The following HPS5 variants were observed in gnomAD, a reference collection of about 807,000 sequenced individuals.
HPS5 encodes the protein HPS5 biogenesis of lysosomal organelles complex 2 subunit 2.
HPS5 carries 83 observed loss-of-function variants against 128.0 expected under a neutral mutation model. The observed-to-expected ratio is 0.65, with a 90% CI of 0.54 to 0.78. The LOEUF (loss-of-function observed/expected upper bound fraction) is 0.78, where lower values mean the gene tolerates loss of function less well. Among genes scored for constraint, HPS5 ranks in the 30% least tolerant of loss-of-function variants. The probability of loss-of-function intolerance (pLI) is 0.00; values close to 1 mark genes in which losing one functional copy is unlikely to be tolerated. For missense variants in HPS5, 1,281 were observed against 1,326.2 expected (o/e 0.97, Z 0.53); for synonymous variants, 475 against 470.2 (o/e 1.01, Z -0.13).
chr11:18,302,726 A>G (rs1861840255), intron 8 of HPS5, among the ~76,000 whole-genome samples: 5 of 149,876 alleles, frequency 3.3e-5, no homozygotes, highest in Admixed American at 2.0e-4. Flanking sequence ...TCCCTACAGG[A>G]AAGTAATCTT....
chr11:18,299,742 G>C (rs1454431203), intron 9 of HPS5, among the ~76,000 whole-genome samples: 1 of 152,128 alleles, frequency 6.6e-6, no homozygotes, highest in South Asian at 2.1e-4. Flanking sequence ...CTTCTGGCAG[G>C]GATAAAGACT....
chr11:18,286,879 A>G, intron 18 of HPS5, 169 bp from the exon 19 acceptor site: 1 of 803,922 alleles, frequency 1.2e-6, no homozygotes, highest in Non-Finnish European at 2.0e-6. Flanking sequence ...AAGCTCCAAG[A>G]TAACAAAGAA....
chr11:18,318,852 A>C (rs1863952291), intron 1 of HPS5, among the ~76,000 whole-genome samples: 1 of 152,182 alleles, frequency 6.6e-6, no homozygotes, highest in Admixed American at 6.5e-5. Context: ...ACAAATTTGT[A>C]CTGAGCACCC....
chr11:18,299,608 C>T (rs1460322166), intron 9 of HPS5, among the ~76,000 whole-genome samples: 2 of 152,212 alleles, frequency 1.3e-5, no homozygotes, highest in Admixed American at 1.3e-4. Context: ...TCCCCCACTT[C>T]TGGTTTTAAC....
chr11:18,298,038 C>T (rs1195918406), intron 10 of HPS5, among the ~76,000 whole-genome samples: 3 of 151,106 alleles, frequency 2.0e-5, no homozygotes, highest in African/African-American at 7.3e-5. Context: ...TGAGATCACG[C>T]CATTGCACTC....
intron 2 of HPS5, 72 bp downstream of exon 2, chr11:18,317,679 G>C (rs1863808011): frequency 1.4e-6 from 2 of 1,423,702 alleles, no homozygotes; most frequent in Non-Finnish European, 2.0e-6. Context: ...AAACGTTAAG[G>C]AACTGGAGGG....
At chr11:18,301,349 G>A (rs929494692) in intron 8 of HPS5, among the ~76,000 whole-genome samples, 27 of 151,430 alleles carry the variant, frequency 1.8e-4, no homozygotes, top group African/African-American at 4.9e-4. Flanking sequence ...CCAGCTACTC[G>A]GGAGGCTGAG....
At chr11:18,319,540 A>T (rs754851631) in intron 1 of HPS5, among the ~76,000 whole-genome samples, 2 of 152,204 alleles carry the variant, frequency 1.3e-5, no homozygotes, top group African/African-American at 2.4e-5. Flanking sequence ...AACAGGATAC[A>T]AGCAACGGAA....
intron 3 of HPS5, 109 bp downstream of exon 3, chr11:18,311,805 C>T (rs537485793): frequency 1.1e-6 from 1 of 914,590 alleles, no homozygotes; most frequent in East Asian, 2.5e-5. Context: ...GACACCGCAC[C>T]AAGCCAAGTT....
chr11:18,299,144 T>C (rs1861420011), intron 9 of HPS5, among the ~76,000 whole-genome samples, 174 bp from the exon 10 acceptor site: 1 of 152,182 alleles, frequency 6.6e-6, no homozygotes, highest in Non-Finnish European at 1.5e-5. Flanking sequence ...TTAGAAACTA[T>C]TCTAAAAAGA....
At chr11:18,309,168 C>T in intron 5 of HPS5, 89 bp from the exon 6 acceptor site, 3 of 1,292,142 alleles carry the variant, frequency 2.3e-6, no homozygotes, top group Non-Finnish European at 2.2e-6. Context: ...ATGAAAATAA[C>T]TTGAATAGCA....
At position 18,317,624 on chromosome 11, in the gene HPS5, C is replaced by A. The variant is rs919508390; in HGVS notation, c.108+127G>T. On this transcript the variant is annotated intron_variant, in intron 2 of 22. Coordinates refer to ENST00000349215, the MANE Select transcript of HPS5 (RefSeq NM_181507.2). ...GTTTATTTTCTTCTTTTTTTTCCCC[C>A]ACAAAAGTATGACTAGGACAGGTAA... 15 of 880,018 alleles carry A rather than the reference C, an allele frequency of 1.7e-5. No homozygotes were observed. The African/African-American group carries it at 2.2e-4, about 13-fold the overall frequency. The allele number at this position is 880,018 out of a possible 1,614,324, so 54.5% of individuals were successfully genotyped here.
chr11:18,319,744 T>G (rs1864087597), intron 1 of HPS5, among the ~76,000 whole-genome samples: 1 of 152,042 alleles, frequency 6.6e-6, no homozygotes, highest in Admixed American at 6.6e-5. Flanking sequence ...AGAAAACGGG[T>G]GGGTGATATG....
In HPS5 at chr11:18,282,197, C is replaced by A; in HGVS notation, c.3082G>T (p.Glu1028Ter). 6.2e-7 allele frequency: 1 copy of A among 1,614,176 alleles called. No individual in the cohort carries two copies. Residue 1028 changes from glutamate to a stop codon, truncating the protein, a stop_gained, in exon 22 of 23, where the codon GAA (glutamate) becomes TAA (stop). Transcript: ENST00000349215. LOFTEE classifies it high-confidence loss of function. ...ATGAGATGAAGGAGAAGCTTCCATT[C>A]CTCCACGGTCTCTGGGATCCAACCT... The part of the protein sequence containing the change: ...DNGWIPETVE[E>*]WKLLLHLIQS...
At chr11:18,300,227 T>C (rs1861533058) in intron 9 of HPS5, among the ~76,000 whole-genome samples, 1 of 152,118 alleles carries the variant, frequency 6.6e-6, no homozygotes, top group Admixed American at 6.5e-5. Flanking sequence ...CGAAACATAT[T>C]ATGGGGTACA....
intron 14 of HPS5, 117 bp downstream of exon 14, chr11:18,294,903 C>A: frequency 8.8e-6 from 9 of 1,027,168 alleles, no homozygotes; most frequent in Non-Finnish European, 1.3e-5. Flanking sequence ...CGTTCAAAGC[C>A]GTCCTGGAAC....
chr11:18,299,199 A>G (rs1017065310), intron 9 of HPS5, among the ~76,000 whole-genome samples: 4 of 152,222 alleles, frequency 2.6e-5, no homozygotes, highest in Non-Finnish European at 5.9e-5. Context: ...TCTCTGACCT[A>G]AAGTCTTATG....
Position 18,317,403 on chromosome 11 carries a change from G to C in HPS5, c.108+348C>G, listed in dbSNP as rs538747034. Among the ~76,000 whole-genome samples, 29 of 151,882 alleles carry C rather than the reference G, an allele frequency of 1.9e-4. No homozygotes were observed. In the South Asian group the frequency reaches 5.0e-3, roughly 26 times the overall value. On this transcript the variant is annotated intron_variant, in intron 2 of 22. Transcript: ENST00000349215. ...CCCGAGTACCTGGGATTACAGGCGC[G>C]TGCCACCTTGCCCGGCTAATTTTTG...
intron 2 of HPS5, chr11:18,314,323 G>A (rs1053778287): frequency 2.2e-4 from 33 of 152,482 alleles, no homozygotes; most frequent in Admixed American, 1.8e-3. Flanking sequence ...GAGGCCAGGT[G>A]TTCAAGACAA....
Sources: allele counts gnomAD v4.1 joint callset (sites outside exome capture counted in the v4.1 genomes callset), GRCh38; gene constraint gnomAD v4.1.1; transcripts MANE v1.5; gene names NCBI Gene and HGNC (gene_info 2026-07-23, HGNC 2026-07-21).